Variants in LIFR observed in about 807,000 individuals in gnomAD.
LIFR encodes the protein leukemia inhibitory factor receptor.
A neutral mutation model predicts 122.2 loss-of-function variants in LIFR; 84 were observed. That is an observed-to-expected ratio of 0.69 (90% CI 0.58 to 0.82). LIFR has a LOEUF of 0.82. Ranked by LOEUF, LIFR falls within the 40% of genes least tolerant of loss-of-function variation. The pLI is 0.00. For synonymous variants in LIFR, 422 were observed against 434.7 expected (o/e 0.97, Z 0.36); for missense variants, 1,294 against 1,311.6 (o/e 0.99, Z 0.21).
Position 38,505,975 on chromosome 5 carries a change from A to G in LIFR, c.1221T>C (p.Asn407=), listed in dbSNP as rs372077841. 47 of 1,610,182 alleles carry G rather than the reference A, an allele frequency of 2.9e-5. No homozygotes were observed. In the Admixed American group the frequency reaches 3.7e-4, roughly 13 times the overall value. Residue 407 remains asparagine (N), a synonymous_variant, in exon 9 of 20, where the codon AAT becomes AAC. Transcript: ENST00000453190. ...FQMLPNQEIY[N]FTLNAHNPLG... ...GCGGATTGTGAGCATTCAAAGTAAA[A>G]TTATATATTTCTTGATTTGGAAGCA...
rs992360631 is a variant in LIFR at position 38,528,849 on chromosome 5, G to C, written c.143-9C>G. The C allele has an allele frequency of 3.3e-6, 3 of 920,954 alleles. No individual in the cohort carries two copies. Among genetic ancestry groups the C allele is most frequent in the Admixed American group, 4.3e-5 (2 of 46,074 alleles). The allele number at this position is 920,954 out of a possible 1,614,324, so 57.0% of individuals were successfully genotyped here. A position where few individuals can be genotyped will look rare whatever the true frequency, so the allele number is the denominator to read the frequency against. On this transcript the variant is annotated splice_polypyrimidine_tract_variant and intron_variant, in intron 2 of 19. Coordinates refer to ENST00000453190, the MANE Select transcript of LIFR (RefSeq NM_001127671.2). Reference sequence around the variant, plus strand: ...CAAATCATGAGGAGCCCCTGGAGGAGACACACACACACACACACACACACA... The same window carrying C: ...CAAATCATGAGGAGCCCCTGGAGGACACACACACACACACACACACACACA...
intron 12 of LIFR, 85 bp downstream of exon 12, chr5:38,499,428 A>G (rs1203512721): frequency 7.5e-6 from 7 of 933,344 alleles, no homozygotes; most frequent in East Asian, 2.4e-5. Context: ...GGGAAGTTTC[A>G]GCTCCTTGAT....
chr5:38,574,647 G>A (rs377603355), intron 1 of LIFR, among the ~76,000 whole-genome samples: 1 of 152,132 alleles, frequency 6.6e-6, no homozygotes, highest in African/African-American at 2.4e-5. Flanking sequence ...GAGCAAGTTC[G>A]AACTCAGGTC....
At chr5:38,544,090 G>A (rs1051245544) in intron 1 of LIFR, among the ~76,000 whole-genome samples, 13 of 151,946 alleles carry the variant, frequency 8.6e-5, no homozygotes, top group Non-Finnish European at 1.8e-4. Flanking sequence ...ACCTTCAAAT[G>A]CATGCCGAAG....
At chr5:38,511,636 T>C (rs141964589) in intron 6 of LIFR, among the ~76,000 whole-genome samples, 154 bp downstream of exon 6, 1 of 152,270 alleles carries the variant, frequency 6.6e-6, no homozygotes, top group African/African-American at 2.4e-5. Flanking sequence ...GACTTTTTGA[T>C]CAAAATCTCC....
At chr5:38,488,950 A>T (rs1372797475) in intron 16 of LIFR, 128 bp downstream of exon 16, 32 of 734,842 alleles carry the variant, frequency 4.4e-5, no homozygotes, top group Non-Finnish European at 6.9e-5. Context: ...CTGCCTTTTC[A>T]TTTCTCTATC....
intron 1 of LIFR, among the ~76,000 whole-genome samples, chr5:38,573,972 G>A (rs1184916912): frequency 2.6e-5 from 4 of 151,962 alleles, no homozygotes; most frequent in Admixed American, 6.6e-5. Flanking sequence ...AAAATTAGTC[G>A]AGCATGGTGG....
intron 5 of LIFR, among the ~76,000 whole-genome samples, chr5:38,517,674 G>A (rs770663628): frequency 6.6e-6 from 1 of 151,524 alleles, no homozygotes; most frequent in Non-Finnish European, 1.5e-5. Context: ...TGGCTAACAC[G>A]GTGAAACCCC....
intron 1 of LIFR, among the ~76,000 whole-genome samples, chr5:38,585,084 T>C (rs1341793122): frequency 2.6e-5 from 4 of 152,210 alleles, no homozygotes; most frequent in African/African-American, 9.6e-5. Context: ...AATTAGATGA[T>C]GCCATAAGTG....
intron 3 of LIFR, 32 bp from the exon 4 acceptor site, chr5:38,527,326 ATAAAAT>A: frequency 7.6e-7 from 1 of 1,308,846 alleles, no homozygotes; most frequent in Non-Finnish European, 1.1e-6. Context: ...TAATTAGCAA[ATAAAAT>A]TAATAGTATA....
At chr5:38,582,089 T>C (rs533338554) in intron 1 of LIFR, among the ~76,000 whole-genome samples, 51 of 151,248 alleles carry the variant, frequency 3.4e-4, no homozygotes, top group African/African-American at 1.1e-3. Flanking sequence ...AGAGATGGTG[T>C]CCTCTCTGTT....
chr5:38,526,768 G>C (rs1283800761), intron 4 of LIFR, among the ~76,000 whole-genome samples: 1 of 152,078 alleles, frequency 6.6e-6, no homozygotes, highest in Non-Finnish European at 1.5e-5. Context: ...AAAACACAAT[G>C]AACTATTAAT....
intron 1 of LIFR, among the ~76,000 whole-genome samples, chr5:38,577,782 TA>T (rs1360913105): frequency 6.6e-6 from 1 of 152,248 alleles, no homozygotes; most frequent in Non-Finnish European, 1.5e-5. Context: ...GTTTTGGTTT[TA>T]TTTTTTTGAA....
In LIFR at chr5:38,480,782, T is replaced by A. The variant is rs543297073; in HGVS notation, c.*813A>T. The A allele has an allele frequency of 4.7e-6, 1 of 213,596 alleles. No homozygotes were observed. The highest frequency in any genetic ancestry group is 2.3e-5 in the African/African-American group (1 of 44,310). The allele number at this position is 213,596 out of a possible 1,614,324, so 13.2% of individuals were successfully genotyped here. On this transcript the variant is annotated 3_prime_UTR_variant, in exon 20 of 20. Coordinates refer to ENST00000453190, the MANE Select transcript of LIFR (RefSeq NM_001127671.2). ...CTGTATCACAAAATAAAATGATTTT[T>A]AAAAAATGTGGGTCTCTAGTCTTAG...
Position 38,475,574 on chromosome 5 carries a change from T to C in LIFR, c.*6021A>G, listed in dbSNP as rs1324235094. ...AAATTAGTAAACAGTTACTAGTATT[T>C]ATAAAAAACTTAAAATATTTAACAT... On this transcript the variant is annotated 3_prime_UTR_variant, in exon 20 of 20. Coordinates refer to ENST00000453190, the MANE Select transcript of LIFR (RefSeq NM_001127671.2). 9 of 188,338 alleles carry C rather than the reference T, an allele frequency of 4.8e-5. No homozygotes were observed. The East Asian group carries it at 7.8e-4, about 16-fold the overall frequency. The allele number at this position is 188,338 out of a possible 1,614,324, so 11.7% of individuals were successfully genotyped here. A position where few individuals can be genotyped will look rare whatever the true frequency, so the allele number is the denominator to read the frequency against.
chr5:38,598,111 C>G (rs1401211379), upstream of LIFR, among the ~76,000 whole-genome samples: 1 of 149,876 alleles, frequency 6.7e-6, no homozygotes, highest in Non-Finnish European at 1.5e-5. Context: ...ATGGTGGGAT[C>G]TTTCTAAGAA....
chr5:38,585,303 C>T (rs1010498944), intron 1 of LIFR, among the ~76,000 whole-genome samples: 2 of 152,134 alleles, frequency 1.3e-5, no homozygotes, highest in Non-Finnish European at 2.9e-5. Flanking sequence ...AACTGTAATA[C>T]ATGTTATGTA....
chr5:38,497,631 GT>G (rs144059178), intron 12 of LIFR, among the ~76,000 whole-genome samples: 8,009 of 152,082 alleles, frequency 0.053, 240 homozygotes, highest in Middle Eastern at 0.097. Context: ...GTTGAAACAA[GT>G]AAAAATCTCC....
chr5:38,499,896 A>G (rs1745087424), intron 11 of LIFR, among the ~76,000 whole-genome samples: 1 of 152,090 alleles, frequency 6.6e-6, no homozygotes, highest in African/African-American at 2.4e-5. Context: ...CAGATATGCC[A>G]AAGACACAAC....
Sources: allele counts gnomAD v4.1 joint callset (sites outside exome capture counted in the v4.1 genomes callset), GRCh38; gene constraint gnomAD v4.1.1; transcripts MANE v1.5; gene names NCBI Gene and HGNC (gene_info 2026-07-23, HGNC 2026-07-21).